Variants in TMEM135 observed in about 807,000 individuals in gnomAD.
TMEM135 encodes the protein transmembrane protein 135.
In TMEM135, 30 loss-of-function variants were observed where a neutral mutation model predicts 60.3. The ratio of observed to expected loss-of-function variants is 0.50; its 90% CI spans 0.37 to 0.68. The LOEUF (loss-of-function observed/expected upper bound fraction) is 0.68. Ranked by LOEUF, TMEM135 falls within the 30% of genes least tolerant of loss-of-function variation. The pLI, the probability that TMEM135 is intolerant of heterozygous loss-of-function variation, is 0.00. For synonymous variants in TMEM135, 190 were observed against 186.7 expected (o/e 1.02, Z -0.14); for missense variants, 468 against 548.8 (o/e 0.85, Z 1.47).
chr11:87,265,107 A>G (rs1286089227), intron 6 of TMEM135, among the ~76,000 whole-genome samples: 4 of 151,956 alleles, frequency 2.6e-5, no homozygotes, highest in Admixed American at 6.6e-5. Context: ...TTTATTGTCT[A>G]TTCACACTTA....
At chr11:87,140,245 T>G (rs1015098928) in intron 4 of TMEM135, among the ~76,000 whole-genome samples, 2 of 152,048 alleles carry the variant, frequency 1.3e-5, no homozygotes, top group Non-Finnish European at 2.9e-5. Flanking sequence ...TTTTTTGTAT[T>G]TTTAGTAGAG....
chr11:87,242,757 T>C (rs1941168636), intron 6 of TMEM135, among the ~76,000 whole-genome samples: 1 of 140,794 alleles, frequency 7.1e-6, no homozygotes, highest in East Asian at 2.0e-4. Context: ...TATTAGCCCT[T>C]TGTCAGATGA....
intron 5 of TMEM135, among the ~76,000 whole-genome samples, chr11:87,159,971 G>C (rs1938824446): frequency 6.6e-6 from 1 of 152,046 alleles, no homozygotes; most frequent in Non-Finnish European, 1.5e-5. Context: ...TAAGGGAGGA[G>C]AGCAGCAAGT....
At chr11:87,277,077 A>G (rs924315883) in intron 6 of TMEM135, 4 of 153,788 alleles carry the variant, frequency 2.6e-5, no homozygotes, top group African/African-American at 7.2e-5. Flanking sequence ...TGAAGGTTTC[A>G]ATATATGTAT....
At chr11:87,283,189 C>T (rs1180754352) in intron 6 of TMEM135, among the ~76,000 whole-genome samples, 1 of 151,742 alleles carries the variant, frequency 6.6e-6, no homozygotes, top group Non-Finnish European at 1.5e-5. Context: ...ACAAAATTAG[C>T]CAGGTGTGGT....
chr11:87,264,222 C>G (rs1941706136), intron 6 of TMEM135, among the ~76,000 whole-genome samples: 1 of 149,374 alleles, frequency 6.7e-6, no homozygotes, highest in East Asian at 1.9e-4. Flanking sequence ...AGTCAGATGT[C>G]TATGATCTCT....
At chr11:87,179,627 T>C (rs544094722) in intron 5 of TMEM135, among the ~76,000 whole-genome samples, 1 of 152,162 alleles carries the variant, frequency 6.6e-6, no homozygotes, top group Non-Finnish European at 1.5e-5. Context: ...TTTTTTTTAA[T>C]TTTTTGCCTG....
chr11:87,296,918 AT>A (rs1214833399), intron 7 of TMEM135, among the ~76,000 whole-genome samples: 2 of 152,150 alleles, frequency 1.3e-5, no homozygotes, highest in African/African-American at 4.8e-5. Flanking sequence ...AATATAAAAT[AT>A]TTTTTGATAT....
intron 6 of TMEM135, among the ~76,000 whole-genome samples, chr11:87,256,928 A>T (rs118170461): frequency 0.011 from 1,606 of 151,344 alleles, 13 homozygotes; most frequent in South Asian, 0.03. Flanking sequence ...GTGTGTGTGT[A>T]TGTGTATGTG....
chr11:87,121,519 A>T (rs925845565), intron 4 of TMEM135: 2 of 152,114 alleles, frequency 1.3e-5, no homozygotes, highest in African/African-American at 4.8e-5. Flanking sequence ...TCCAATTTTG[A>T]AAGGTATTAT....
At chr11:87,316,926 T>A (rs1942742845) in intron 12 of TMEM135, among the ~76,000 whole-genome samples, 1 of 151,834 alleles carries the variant, frequency 6.6e-6, no homozygotes, top group Non-Finnish European at 1.5e-5. Flanking sequence ...GCTTGCTATG[T>A]CCTTTTGTGG....
At chr11:87,119,026 C>T (rs1351622284) in intron 4 of TMEM135, among the ~76,000 whole-genome samples, 1 of 152,198 alleles carries the variant, frequency 6.6e-6, no homozygotes, top group Non-Finnish European at 1.5e-5. Flanking sequence ...TTCGTGTATT[C>T]ACTGTTATAG....
At chr11:87,179,648 G>T (rs1939465622) in intron 5 of TMEM135, among the ~76,000 whole-genome samples, 1 of 152,016 alleles carries the variant, frequency 6.6e-6, no homozygotes, top group Non-Finnish European at 1.5e-5. Context: ...TGTGTATTCA[G>T]TTGTACCAGC....
chr11:87,114,764 A>G (rs1381891651), intron 4 of TMEM135, among the ~76,000 whole-genome samples: 1 of 152,194 alleles, frequency 6.6e-6, no homozygotes, highest in Non-Finnish European at 1.5e-5. Flanking sequence ...AGGTGGGCAA[A>G]AGAACACAGT....
At chr11:87,188,946 T>C (rs776242473) in intron 5 of TMEM135, among the ~76,000 whole-genome samples, 1 of 152,184 alleles carries the variant, frequency 6.6e-6, no homozygotes, top group Non-Finnish European at 1.5e-5. Context: ...TTATTCTTCA[T>C]AACTATAATT....
At chr11:87,210,331 T>C (rs948344230) in intron 5 of TMEM135, among the ~76,000 whole-genome samples, 7 of 152,126 alleles carry the variant, frequency 4.6e-5, no homozygotes, top group Non-Finnish European at 7.4e-5. Context: ...ATGAAGGTGA[T>C]ATTACCACTG....
intron 5 of TMEM135, among the ~76,000 whole-genome samples, chr11:87,201,950 TTTATG>T (rs71040298): frequency 0.049 from 6,795 of 137,882 alleles, 182 homozygotes; most frequent in African/African-American, 0.061. Context: ...GTATTTATTT[TTTATG>T]TTATGTTATG....
intron 3 of TMEM135, among the ~76,000 whole-genome samples, chr11:87,087,722 A>C (rs1399625420): frequency 2.6e-5 from 4 of 152,154 alleles, no homozygotes; most frequent in Non-Finnish European, 5.9e-5. Flanking sequence ...ATTCTATTCC[A>C]TACGGAATCT....
intron 6 of TMEM135, among the ~76,000 whole-genome samples, chr11:87,241,392 A>G (rs1941131086): frequency 6.6e-6 from 1 of 152,132 alleles, no homozygotes; most frequent in Non-Finnish European, 1.5e-5. Flanking sequence ...TAGTAGGTGT[A>G]TATACTTACA....
Sources: gnomAD v4.1 joint callset for allele counts (sites outside exome capture counted in the v4.1 genomes callset) on GRCh38, gnomAD v4.1.1 for gene constraint, MANE v1.5 for transcripts, NCBI Gene and HGNC (gene_info 2026-07-23, HGNC 2026-07-21) for gene names.